The following EXOC6 variants were observed in gnomAD, a reference collection of about 807,000 sequenced individuals.
EXOC6 encodes the protein exocyst complex component 6.
A neutral mutation model predicts 112.5 loss-of-function variants in EXOC6; 60 were observed. That is an observed-to-expected ratio of 0.53 (90% confidence interval 0.43 to 0.66). The LOEUF is 0.66. Ranked by LOEUF, EXOC6 falls within the 30% of genes least tolerant of loss-of-function variation. The pLI is 0.00. For synonymous variants in EXOC6, 295 were observed against 308.0 expected, an observed-to-expected ratio of 0.96 and a Z score of 0.44; for missense variants, 855 against 957.1, an observed-to-expected ratio of 0.89 and a Z score of 1.41.
intron 20 of EXOC6, among the ~76,000 whole-genome samples, chr10:93,044,124 T>C (rs1408622274): frequency 6.6e-6 from 1 of 152,216 alleles, no homozygotes; most frequent in Non-Finnish European, 1.5e-5. Flanking sequence ...AACTGCCTTT[T>C]TTCTTCATGT....
In EXOC6 at chr10:92,827,050, C is replaced by T. The variant is rs146584071; in HGVS notation, c.-27+106C>T. Among the ~76,000 whole-genome samples the T allele has an allele frequency of 3.3e-3, 508 of 152,192 alleles. 2 individuals carry two copies. Among genetic ancestry groups the T allele is most frequent in the African/African-American group, 0.012 (478 of 41,498 alleles). ...AGCAGGATATGTGTCTGATTCATAA[C>T]GATATTATTTGAAAGAATATTATTT... On this transcript the variant is annotated intron_variant, in intron 1 of 22. Transcript: ENST00000671701.
At chr10:92,952,426 G>A (rs1206673184) in intron 15 of EXOC6, 44 bp downstream of exon 15, 2 of 1,169,666 alleles carry the variant, frequency 1.7e-6, no homozygotes, top group East Asian at 4.7e-5. Flanking sequence ...TAACTTTTAT[G>A]AAACATTAAT....
chr10:92,903,373 A>ATT (rs58146053), intron 5 of EXOC6, among the ~76,000 whole-genome samples: 2,189 of 145,936 alleles, frequency 0.015, 52 homozygotes, highest in African/African-American at 0.052. Flanking sequence ...GAATAAACAA[A>ATT]TTTTTTTTTT....
At chr10:93,035,878 AG>A (rs1243424466) in intron 20 of EXOC6, among the ~76,000 whole-genome samples, 25 of 152,070 alleles carry the variant, frequency 1.6e-4, no homozygotes, top group African/African-American at 5.8e-4. Flanking sequence ...ACGAAAACAC[AG>A]GAAGTAGATA....
chr10:92,963,532 A>AT (rs5787026), intron 17 of EXOC6, among the ~76,000 whole-genome samples: 39,981 of 141,378 alleles, frequency 0.28, 5,658 homozygotes, highest in Middle Eastern at 0.38. Flanking sequence ...ATAAAGAGCA[A>AT]TTTTTTTTTT....
chr10:93,002,843 C>T (rs555593856), intron 19 of EXOC6, among the ~76,000 whole-genome samples: 2 of 152,210 alleles, frequency 1.3e-5, no homozygotes, highest in Non-Finnish European at 2.9e-5. Flanking sequence ...GTCATAAATC[C>T]GTATTGACTC....
rs139328034 is a variant in EXOC6, at chr10:92,914,286, A to C, written c.664-1472A>C. Among the ~76,000 whole-genome samples, 23 of 152,342 alleles carry C rather than the reference A, an allele frequency of 1.5e-4. No homozygotes were observed. The East Asian group carries it at 4.4e-3, about 29-fold the overall frequency. On this transcript the variant is annotated intron_variant, in intron 6 of 21. Transcript: ENST00000260762. ...AGGTGGAACAGTTTCATCTGAAACC[A>C]TCCACCTGCAAAAAAAGCCTGGGGA...
At chr10:93,031,601 C>T (rs1218851479) in intron 20 of EXOC6, among the ~76,000 whole-genome samples, 2 of 151,220 alleles carry the variant, frequency 1.3e-5, no homozygotes, top group Non-Finnish European at 1.5e-5. Flanking sequence ...CAACCTCCGC[C>T]TCCCAGGTTC....
chr10:92,991,757 A>G (rs965875671), intron 18 of EXOC6, among the ~76,000 whole-genome samples: 2 of 144,514 alleles, frequency 1.4e-5, no homozygotes, highest in African/African-American at 5.1e-5. Context: ...CTCTCTCTGT[A>G]TGTGTGTGTG....
upstream of EXOC6, among the ~76,000 whole-genome samples, chr10:92,846,534 T>A (rs1478946262): frequency 6.6e-6 from 1 of 151,942 alleles, no homozygotes; most frequent in Non-Finnish European, 1.5e-5. Context: ...AAATTGAAAC[T>A]GAAACATAAA....
chr10:92,838,271 C>G (rs112832539), intron 1 of EXOC6, among the ~76,000 whole-genome samples: 2 of 152,166 alleles, frequency 1.3e-5, no homozygotes, highest in Admixed American at 6.5e-5. Context: ...TTGTCAATGG[C>G]CTATAATGCC....
intron 19 of EXOC6, chr10:92,999,265 G>A (rs1034791595): frequency 8.5e-6 from 3 of 352,674 alleles, no homozygotes; most frequent in Non-Finnish European, 1.6e-5. Context: ...GTGTTGCTGT[G>A]TTGCCCAGAC....
Position 92,896,171 on chromosome 10 carries a change from ATATATATATATTTTTTTTTTTT to A in EXOC6, c.412+1153_412+1174del, listed in dbSNP as rs1564809998. Among the ~76,000 whole-genome samples, 24 of 25,218 alleles carry A rather than the reference ATATATATATATTTTTTTTTTTT, an allele frequency of 9.5e-4. 3 individuals are homozygous for A. In the East Asian group the frequency reaches 0.016, roughly 17 times the overall value. The allele number at this position is 25,218 out of a possible 152,430, so 16.5% of individuals were successfully genotyped here. A position where few individuals can be genotyped will look rare whatever the true frequency, so the allele number is the denominator to read the frequency against. On this transcript the variant is annotated intron_variant, in intron 4 of 21. Coordinates refer to ENST00000260762, the MANE Select transcript of EXOC6 (RefSeq NM_019053.6). ...TGTATATATATATATATATATATAT[ATATATATATATTTTTTTTTTTT>A]TTTTTTTTTTTTTTTTTTTTTTTTG... is the stretch of plus-strand genomic sequence containing the variant.
At chr10:92,844,993 C>A (rs189907546), upstream of EXOC6, among the ~76,000 whole-genome samples, 7 of 152,252 alleles carry the variant, frequency 4.6e-5, no homozygotes, top group East Asian at 9.6e-4. Flanking sequence ...AGATAAAAGG[C>A]GCAAAGTTAA....
Position 92,896,167 on chromosome 10 carries a change from ATATATATATATATATTTTTTTTTT to A in EXOC6, c.412+1149_412+1172del, listed in dbSNP as rs1564809961. Among the ~76,000 whole-genome samples, 89 of 23,458 alleles carry A rather than the reference ATATATATATATATATTTTTTTTTT, an allele frequency of 3.8e-3. 8 individuals carry two copies. The highest frequency in any genetic ancestry group is 0.018 in the African/African-American group (86 of 4,722). 15.4% of individuals were successfully genotyped at this position (23,458 alleles called of 152,430 possible). On this transcript the variant is annotated intron_variant, in intron 4 of 21. Transcript: ENST00000260762. ...TATGTGTATATATATATATATATATATATATATATATATATTTTTTTTTTTTTTTTTTTTTTTTTTTTTTTTTTT... is the reference window on the plus strand; with the variant it reads ...TATGTGTATATATATATATATATATATTTTTTTTTTTTTTTTTTTTTTTTT...
intron 9 of EXOC6, among the ~76,000 whole-genome samples, chr10:92,932,552 C>T (rs1200736152): frequency 6.6e-6 from 1 of 151,980 alleles, no homozygotes; most frequent in Non-Finnish European, 1.5e-5. Flanking sequence ...AAAATATTTT[C>T]AATTCTGAAA....
At chr10:93,048,828 A>G (rs1846134739) in intron 20 of EXOC6, among the ~76,000 whole-genome samples, 1 of 152,044 alleles carries the variant, frequency 6.6e-6, no homozygotes, top group African/African-American at 2.4e-5. Context: ...CTTTAATTAA[A>G]TATCTATTTG....
intron 1 of EXOC6, among the ~76,000 whole-genome samples, chr10:92,865,351 T>A (rs1848123765): frequency 6.6e-6 from 1 of 151,978 alleles, no homozygotes; most frequent in Admixed American, 6.5e-5. Context: ...CTGGCCACCA[T>A]GGTGAAACCC....
At chr10:92,930,749 A>T (rs1347016430) in intron 9 of EXOC6, among the ~76,000 whole-genome samples, 1 of 152,150 alleles carries the variant, frequency 6.6e-6, no homozygotes, top group East Asian at 1.9e-4. Flanking sequence ...GAGTTACATA[A>T]AGCATGAGCC....
Sources: gnomAD v4.1 joint callset for allele counts (sites outside exome capture counted in the v4.1 genomes callset) on GRCh38, gnomAD v4.1.1 for gene constraint, MANE v1.5 for transcripts, NCBI Gene and HGNC (gene_info 2026-07-23, HGNC 2026-07-21) for gene names.